The following CRABP1 variants were observed in gnomAD, a reference collection of about 807,000 sequenced individuals.
CRABP1 encodes the protein cellular retinoic acid binding protein 1, also known as cellular retinoic acid-binding protein 1.
CRABP1 carries 9 observed loss-of-function variants against 16.4 expected under a neutral mutation model. The observed-to-expected ratio is 0.55, with a 90% confidence interval of 0.33 to 0.96. The LOEUF is 0.96. Ranked by LOEUF, CRABP1 falls within the 40% of genes least tolerant of loss-of-function variation. The pLI, the probability that CRABP1 is intolerant of heterozygous loss-of-function variation, is 0.03. For synonymous variants in CRABP1, 72 were observed against 70.4 expected, an observed-to-expected ratio of 1.02 and a Z score of -0.11; for missense variants, 157 against 186.0, an observed-to-expected ratio of 0.84 and a Z score of 0.91.
chr15:78,346,993 GTTT>G (rs60882314), intron 3 of CRABP1, among the ~76,000 whole-genome samples: 1 of 140,420 alleles, frequency 7.1e-6, no homozygotes, highest in Non-Finnish European at 1.6e-5. Context: ...TTTTGTTTTT[GTTT>G]TTTTTTTTTT....
chr15:78,344,928 C>CAAA (rs545403305), intron 3 of CRABP1, among the ~76,000 whole-genome samples: 4 of 132,416 alleles, frequency 3.0e-5, no homozygotes, highest in African/African-American at 1.2e-4. Flanking sequence ...AAATTAAAAA[C>CAAA]AAAAAAAAAA....
At position 78,348,216 on chromosome 15, in the gene CRABP1, C is replaced by T. The variant is rs908754844; in HGVS notation, c.*239C>T. The T allele has an allele frequency of 2.4e-5, 13 of 546,898 alleles. No homozygotes were observed. The highest frequency in any genetic ancestry group is 2.3e-4 in the Admixed American group (7 of 30,114). 33.9% of individuals were successfully genotyped at this position (546,898 alleles called of 1,614,324 possible). ...TTTCGAAGTCATTAAACTGGTTAGA[C>T]GTGTCTCAACCTTTTCCCTTTTTTG... On this transcript the variant is annotated 3_prime_UTR_variant, in exon 4 of 4. Coordinates refer to ENST00000299529, the MANE Select transcript of CRABP1 (RefSeq NM_004378.3).
In CRABP1 at chr15:78,343,486, T is replaced by G. The variant is rs1269690911; in HGVS notation, c.250-13T>G. The G allele has an allele frequency of 6.2e-7, 1 of 1,607,144 alleles. No individual in the cohort carries two copies. The highest frequency in any genetic ancestry group is 1.7e-5 in the Admixed American group (1 of 59,894). ...ACTCTAATTAATGTCACTAATGGTT[T>G]TCCCGCCTGCAGAGTTTAGCCACTT... On this transcript the variant is annotated splice_polypyrimidine_tract_variant and intron_variant, in intron 2 of 3. Transcript: ENST00000299529.
rs760041116 is a variant in CRABP1 at position 78,340,411 on chromosome 15, G to A, written c.-18G>A. The A allele has an allele frequency of 1.3e-6, 2 of 1,580,446 alleles. No homozygotes were observed. The highest frequency in any genetic ancestry group is 1.3e-5 in the African/African-American group (1 of 74,524). ...TGCGCCGCCGCTGTCCGTACCTGCC[G>A]CCGCCGCCACCGCCACCATGCCCAA... On this transcript the variant is annotated 5_prime_UTR_variant, in exon 1 of 4. Transcript: ENST00000299529.
At chr15:78,345,793 G>A (rs955548023) in intron 3 of CRABP1, among the ~76,000 whole-genome samples, 1 of 152,144 alleles carries the variant, frequency 6.6e-6, no homozygotes. Context: ...TGTTTCAAGG[G>A]TTATTATCAT....
chr15:78,341,967 A>G lies in CRABP1; in HGVS notation c.249+746A>G, dbSNP rs1232064949. On this transcript the variant is annotated intron_variant, in intron 2 of 3. Transcript: ENST00000299529. This position sits in a 1 kb window ranked among gnomAD's most constrained non-coding sequence, Gnocchi z 5.3. ...AATCACCGGTGCTACCACTTATTTAAAAAGTGACAGAATGTCTCCCTCCCC... is the reference window on the plus strand; with the variant it reads ...AATCACCGGTGCTACCACTTATTTAGAAAGTGACAGAATGTCTCCCTCCCC... Among the ~76,000 whole-genome samples, 2 of 152,192 alleles carry G rather than the reference A, an allele frequency of 1.3e-5. No homozygotes were observed. The highest frequency in any genetic ancestry group is 4.8e-5 in the African/African-American group (2 of 41,428).
chr15:78,341,496 C>G lies in CRABP1; in HGVS notation c.249+275C>G. On this transcript the variant is annotated intron_variant, in intron 2 of 3. Coordinates refer to ENST00000299529, the MANE Select transcript of CRABP1 (RefSeq NM_004378.3). The surrounding 1 kb of genome is among the most constrained non-coding windows in gnomAD (Gnocchi z 5.3). ...AGCGGGCTCTGGGTTGCGCCGCGTT[C>G]CCAGCAGTGGCTTTTGCAGCGGTTT... The G allele has an allele frequency of 2.3e-6, 1 of 439,108 alleles. No homozygotes were observed. Among genetic ancestry groups the G allele is most frequent in the Non-Finnish European group, 4.3e-6 (1 of 234,566 alleles). 27.2% of individuals were successfully genotyped at this position (439,108 alleles called of 1,614,324 possible). A position where few individuals can be genotyped will look rare whatever the true frequency, so the allele number is the denominator to read the frequency against.
chr15:78,347,897 G>C, intron 3 of CRABP1, 30 bp from the exon 4 acceptor site: 1 of 1,613,384 alleles, frequency 6.2e-7, no homozygotes, highest in Non-Finnish European at 8.5e-7. Flanking sequence ...CATCTGCACT[G>C]ATTGGTTTTC....
chr15:78,344,387 G>A (rs747263214), intron 3 of CRABP1, among the ~76,000 whole-genome samples: 8 of 152,054 alleles, frequency 5.3e-5, no homozygotes, highest in Non-Finnish European at 1.2e-4. Context: ...TTGAACCCAG[G>A]AGGCGGAGGT....
intron 1 of CRABP1, 57 bp downstream of exon 1, chr15:78,340,555 G>T (rs1246383707): frequency 2.5e-6 from 4 of 1,568,822 alleles, no homozygotes; most frequent in Non-Finnish European, 2.6e-6. Flanking sequence ...AGGTGCCCTG[G>T]TCCCGGAAGT....
Position 78,343,464 on chromosome 15 carries a change from CTAAT to C in CRABP1, c.250-30_250-27del, listed in dbSNP as rs777178444. ...TGTCCCTGCTCCCGCTGCTGAGACT[CTAAT>C]TAATGTCACTAATGGTTTTCCCGCC... On this transcript the variant is annotated intron_variant, in intron 2 of 3. Transcript: ENST00000299529. 165 of 1,534,762 alleles carry C rather than the reference CTAAT, an allele frequency of 1.1e-4. 1 individual carries two copies. In the South Asian group the frequency reaches 1.7e-3, roughly 16 times the overall value.
At chr15:78,346,126 CA>C (rs1162335629) in intron 3 of CRABP1, among the ~76,000 whole-genome samples, 3 of 152,306 alleles carry the variant, frequency 2.0e-5, no homozygotes, top group Non-Finnish European at 4.4e-5. Context: ...CTCCAGGGTA[CA>C]GCGTTCAATA....
chr15:78,347,961 T>C lies in CRABP1; in HGVS notation c.398T>C (p.Ile133Thr). The change falls in exon 4 of 4, where the codon ATT becomes ACT. Residue 133 changes from isoleucine (I) to threonine (T), a missense_variant. Ile to Thr is a moderately conservative substitution (Grantham distance 89). Transcript: ENST00000299529. ...FGADDVVCTR[I>T]YVRE ...GCCGATGACGTGGTCTGCACCAGAA[T>C]TTATGTCCGAGAGTGAAGGCAGCTG... The C allele has an allele frequency of 6.2e-7, 1 of 1,614,174 alleles. No homozygotes were observed. Among genetic ancestry groups the C allele is most frequent in the Non-Finnish European group, 8.5e-7 (1 of 1,180,024 alleles).
intron 2 of CRABP1, among the ~76,000 whole-genome samples, chr15:78,342,844 G>T (rs2141526657): frequency 6.6e-6 from 1 of 152,270 alleles, no homozygotes; most frequent in Non-Finnish European, 1.5e-5. Context: ...CTTAACTGTT[G>T]TCAAATCTTG....
chr15:78,346,357 C>T (rs974085884), intron 3 of CRABP1, among the ~76,000 whole-genome samples: 2 of 152,152 alleles, frequency 1.3e-5, no homozygotes, highest in Non-Finnish European at 2.9e-5. Flanking sequence ...CCAGTCTGGT[C>T]AGGAGATCCC....
intron 1 of CRABP1, 22 bp downstream of exon 1, chr15:78,340,520 G>T (rs368691944): frequency 3.1e-5 from 50 of 1,598,510 alleles, no homozygotes; most frequent in Non-Finnish European, 3.9e-5. Flanking sequence ...CAGAGGGCGC[G>T]CCCCGACGGG....
intron 1 of CRABP1, 113 bp from the exon 2 acceptor site, chr15:78,340,930 G>A (rs2050229555): frequency 2.7e-6 from 3 of 1,093,100 alleles, no homozygotes; most frequent in Non-Finnish European, 3.8e-6. Context: ...GCAGGGAAAC[G>A]AGTGGATCAA....
intron 1 of CRABP1, chr15:78,340,833 G>C (rs1256822267): frequency 3.2e-6 from 2 of 625,454 alleles, no homozygotes; most frequent in Non-Finnish European, 5.5e-6. Flanking sequence ...TTGGGACCAG[G>C]CTCTGCCACG....
chr15:78,343,919 C>A (rs193085862), intron 3 of CRABP1, among the ~76,000 whole-genome samples: 66 of 152,344 alleles, frequency 4.3e-4, no homozygotes, highest in Admixed American at 1.6e-3. Flanking sequence ...CCCCTCTCAT[C>A]AGGCTTGGAA....
Sources: gnomAD v4.1 joint callset for allele counts (sites outside exome capture counted in the v4.1 genomes callset) on GRCh38, gnomAD v4.1.1 for gene constraint, Gnocchi (gnomAD v3.1) non-coding constraint, MANE v1.5 for transcripts, NCBI Gene and HGNC (gene_info 2026-07-23, HGNC 2026-07-21) for gene names.